Variants in SEMA6A observed in about 807,000 individuals in gnomAD.
SEMA6A encodes the protein semaphorin-6A.
Under a neutral mutation model 96.8 loss-of-function variants are expected in SEMA6A, and 25 were observed. The observed-to-expected ratio is 0.26, with a 90% CI of 0.19 to 0.36. The LOEUF is 0.36. Ranked by LOEUF, SEMA6A falls within the 10% of genes least tolerant of loss-of-function variation. SEMA6A has a pLI of 1.00. For synonymous variants in SEMA6A, 612 were observed against 518.0 expected, an observed-to-expected ratio of 1.18 and a Z score of -2.46; for missense variants, 1,363 against 1,323.1, an observed-to-expected ratio of 1.03 and a Z score of -0.47.
intron 11 of SEMA6A, among the ~76,000 whole-genome samples, 178 bp from the exon 12 acceptor site, chr5:116,480,455 C>T (rs1277207975): frequency 6.6e-6 from 1 of 152,204 alleles, no homozygotes; most frequent in Non-Finnish European, 1.5e-5. Flanking sequence ...TTCCTCTGAG[C>T]CGCCTCCTCA....
intron 7 of SEMA6A, 151 bp from the exon 8 acceptor site, chr5:116,489,158 G>A (rs941192001): frequency 1.1e-5 from 10 of 898,092 alleles, no homozygotes; most frequent in East Asian, 8.3e-5. Context: ...AAAACTCTTG[G>A]CCCACATTCC....
chr5:116,477,721 A>C, intron 15 of SEMA6A, 125 bp downstream of exon 15: 22 of 884,120 alleles, frequency 2.5e-5, no homozygotes, highest in Non-Finnish European at 3.7e-5. Flanking sequence ...AAAGGCTGAC[A>C]GTCCCGTTGC....
intron 6 of SEMA6A, 42 bp from the exon 7 acceptor site, chr5:116,491,872 T>C (rs1198476479): frequency 6.8e-7 from 1 of 1,472,298 alleles, no homozygotes; most frequent in Admixed American, 1.7e-5. Flanking sequence ...AACAACCTTT[T>C]CTTTTGCCCT....
intron 3 of SEMA6A, among the ~76,000 whole-genome samples, chr5:116,501,768 C>G: frequency 6.6e-6 from 1 of 152,184 alleles, no homozygotes; most frequent in Middle Eastern, 3.4e-3. Context: ...ATGCCTGTTA[C>G]AACAGCTACT....
chr5:116,509,817 T>C lies in SEMA6A; in HGVS notation c.-38-4835A>G, dbSNP rs192393181. Among the ~76,000 whole-genome samples the C allele has an allele frequency of 7.9e-5, 12 of 152,242 alleles. No homozygotes were observed. In the East Asian group the frequency reaches 1.9e-3, roughly 24 times the overall value. On this transcript the variant is annotated intron_variant, in intron 1 of 18. Coordinates refer to ENST00000343348, the MANE Select transcript of SEMA6A (RefSeq NM_020796.5). ...TGTCCTAAAGGCACTGGAAATGTAGTTGGGCTCTTGTTGTTGTGTCAGCCA... is the reference window on the plus strand; with the variant it reads ...TGTCCTAAAGGCACTGGAAATGTAGCTGGGCTCTTGTTGTTGTGTCAGCCA...
At chr5:116,473,151 C>T (rs61033437) in intron 16 of SEMA6A, 58 bp from the exon 17 acceptor site, 2 of 1,532,114 alleles carry the variant, frequency 1.3e-6, no homozygotes, top group East Asian at 4.8e-5. Context: ...CTTGGGGCGA[C>T]TTACATAAGT....
Position 116,446,283 on chromosome 5 carries a change from TGTGGGG to T in SEMA6A, c.*324_*329del, listed in dbSNP as rs1227507552. 1.0e-5 allele frequency: 1 copy of T among 95,256 alleles called. No individual in the cohort carries two copies. Among genetic ancestry groups the T allele is most frequent in the Non-Finnish European group, 1.9e-5 (1 of 53,120 alleles). The allele number at this position is 95,256 out of a possible 1,614,324, so 5.9% of individuals were successfully genotyped here. On this transcript the variant is annotated 3_prime_UTR_variant, in exon 19 of 19. Coordinates refer to ENST00000343348, the MANE Select transcript of SEMA6A (RefSeq NM_020796.5). ...GTGTGCATGTGTGTGTGTGTGTGTG[TGTGGGG>T]GTGGGGGATGGGGTAGGTATGTGCT...
chr5:116,468,877 G>A (rs1755931281), intron 17 of SEMA6A: 1 of 152,100 alleles, frequency 6.6e-6, no homozygotes, highest in Admixed American at 6.6e-5. Flanking sequence ...CAGCCTTGAA[G>A]TATGATCACC....
chr5:116,530,456 G>A (rs1385259164), intron 1 of SEMA6A, among the ~76,000 whole-genome samples: 3 of 152,122 alleles, frequency 2.0e-5, no homozygotes, highest in Non-Finnish European at 4.4e-5. Context: ...AGGTCTGTGT[G>A]TTCTGGGAGG....
intron 1 of SEMA6A, among the ~76,000 whole-genome samples, chr5:116,554,551 T>C (rs1275613337): frequency 1.3e-5 from 2 of 152,246 alleles, no homozygotes; most frequent in African/African-American, 4.8e-5. Context: ...ACAATTTGTA[T>C]AAAGTATTTG....
At chr5:116,471,672 A>G (rs1756157334) in intron 17 of SEMA6A, 1 of 152,204 alleles carries the variant, frequency 6.6e-6, no homozygotes, top group Admixed American at 6.5e-5. Flanking sequence ...TCTACTCCAC[A>G]CTGCCTTACT....
intron 18 of SEMA6A, among the ~76,000 whole-genome samples, chr5:116,459,237 T>C (rs1366585394): frequency 1.3e-5 from 2 of 152,158 alleles, no homozygotes; most frequent in East Asian, 3.9e-4. Flanking sequence ...CAGCGATGTG[T>C]AGTAACAGAC....
At chr5:116,488,011 T>C in intron 9 of SEMA6A, 97 bp downstream of exon 9, 1 of 756,994 alleles carries the variant, frequency 1.3e-6, no homozygotes, top group Non-Finnish European at 2.2e-6. Context: ...ATTAGATTTA[T>C]GGCTCTCATT....
In SEMA6A at chr5:116,504,832, C is replaced by T. The variant is rs153644; in HGVS notation, c.100+13G>A. The T allele has an allele frequency of 0.23, 355,661 of 1,573,164 alleles. 42,037 individuals carry two copies. The highest frequency in any genetic ancestry group is 0.29 in the Admixed American group (16,190 of 55,896). ...CTCAAAGGGAGACACTGAGTGAGAC[C>T]ATGGGTACTTACAGTTGCCATGCGA... On this transcript the variant is annotated intron_variant, in intron 2 of 18. Transcript: ENST00000343348.
At chr5:116,565,075 C>A (rs1216579765) in intron 1 of SEMA6A, among the ~76,000 whole-genome samples, 1 of 152,194 alleles carries the variant, frequency 6.6e-6, no homozygotes, top group African/African-American at 2.4e-5. Flanking sequence ...GAAGAGTTTG[C>A]GTCCCTTTGC....
Position 116,447,344 on chromosome 5 carries a change from T to G in SEMA6A, c.2362A>C (p.Thr788Pro). The G allele has an allele frequency of 6.2e-7, 1 of 1,613,928 alleles. No homozygotes were observed. The highest frequency in any genetic ancestry group is 8.5e-7 in the Non-Finnish European group (1 of 1,179,894). ...GAGCCCATGGGGGGCATGTCCTTTG[T>G]GCAGGCATTGATGAGGTTCTGGTTC... ...ERNQNLINAC[T>P]KDMPPMGSPV... Residue 788 changes from threonine (T) to proline (P), a missense_variant, in exon 19 of 19, where the codon ACA becomes CCA. Thr to Pro is a conservative substitution (Grantham distance 38). Transcript: ENST00000343348.
intron 1 of SEMA6A, among the ~76,000 whole-genome samples, chr5:116,535,762 T>A (rs1759680152): frequency 6.6e-6 from 1 of 152,186 alleles, no homozygotes; most frequent in South Asian, 2.1e-4. Flanking sequence ...CAGAGACTGC[T>A]CCTATAAATG....
intron 14 of SEMA6A, 34 bp downstream of exon 14, chr5:116,477,980 G>A (rs1756547068): frequency 9.3e-6 from 15 of 1,613,916 alleles, no homozygotes; most frequent in Middle Eastern, 1.7e-4. Context: ...AGCCACCATG[G>A]ACTTTCTAAT....
chr5:116,460,783 C>CTTT (rs57285277), intron 18 of SEMA6A, among the ~76,000 whole-genome samples: 2 of 122,850 alleles, frequency 1.6e-5, no homozygotes, highest in African/African-American at 6.0e-5. Flanking sequence ...TTGTTAATCT[C>CTTT]TTTTTTTTTT....
Sources: allele counts gnomAD v4.1 joint callset (sites outside exome capture counted in the v4.1 genomes callset), GRCh38; gene constraint gnomAD v4.1.1; transcripts MANE v1.5; gene names NCBI Gene and HGNC (gene_info 2026-07-23, HGNC 2026-07-21).